Variants in EEF1AKMT1 observed in about 807,000 individuals in gnomAD.
EEF1AKMT1 encodes the protein EEF1A lysine methyltransferase 1.
Under a neutral mutation model 21.0 loss-of-function variants are expected in EEF1AKMT1, and 18 were observed. That is an observed-to-expected ratio of 0.86 (90% CI 0.59 to 1.27). EEF1AKMT1 has a LOEUF of 1.27. Ranked by LOEUF, EEF1AKMT1 falls within the 50% of genes most tolerant of loss-of-function variation. The pLI is 0.00. For missense variants in EEF1AKMT1, 246 were observed against 258.6 expected (o/e 0.95, Z 0.33); for synonymous variants, 109 against 94.8 (o/e 1.15, Z -0.87).
chr13:20,772,716 AT>A (rs1361274514), intron 1 of EEF1AKMT1, among the ~76,000 whole-genome samples: 1 of 152,178 alleles, frequency 6.6e-6, no homozygotes, highest in East Asian at 1.9e-4. Context: ...CTTCAGAAAG[AT>A]GGAACAGCAT....
intron 2 of EEF1AKMT1, among the ~76,000 whole-genome samples, chr13:20,749,860 T>C (rs1254755342): frequency 2.0e-5 from 3 of 152,184 alleles, no homozygotes; most frequent in Admixed American, 2.0e-4. Context: ...TAGGAGACCG[T>C]TTTTCTTCTG....
chr13:20,755,741 C>A (rs2058968311), intron 2 of EEF1AKMT1, among the ~76,000 whole-genome samples: 1 of 152,194 alleles, frequency 6.6e-6, no homozygotes, highest in South Asian at 2.1e-4. Context: ...ATGGCTAAAT[C>A]TTGTCTGTCA....
chr13:20,735,268 A>C (rs1206757059), intron 3 of EEF1AKMT1, among the ~76,000 whole-genome samples: 1 of 152,170 alleles, frequency 6.6e-6, no homozygotes, highest in African/African-American at 2.4e-5. Flanking sequence ...GGTTTTACTG[A>C]AAGGCCTATT....
chr13:20,749,263 A>G (rs143274156), intron 2 of EEF1AKMT1, among the ~76,000 whole-genome samples: 289 of 152,162 alleles, frequency 1.9e-3, no homozygotes, highest in African/African-American at 6.2e-3. Flanking sequence ...TGGATATCCT[A>G]TCACTTTTGT....
intron 1 of EEF1AKMT1, among the ~76,000 whole-genome samples, chr13:20,759,997 C>A (rs893218561): frequency 6.8e-6 from 1 of 146,856 alleles, no homozygotes; most frequent in Admixed American, 7.0e-5. Flanking sequence ...CCCAGCTACT[C>A]GGGAGGCTGA....
intron 2 of EEF1AKMT1, among the ~76,000 whole-genome samples, chr13:20,755,246 G>A (rs2058965736): frequency 6.6e-6 from 1 of 152,346 alleles, no homozygotes; most frequent in Non-Finnish European, 1.5e-5. Flanking sequence ...TGAGTCTGGG[G>A]GAAGTCAATG....
chr13:20,745,674 C>A (rs2058899698), intron 2 of EEF1AKMT1, among the ~76,000 whole-genome samples: 1 of 151,990 alleles, frequency 6.6e-6, no homozygotes, highest in Non-Finnish European at 1.5e-5. Context: ...GATGGTGAAA[C>A]CCCATCTCTT....
rs548601752 is a variant in EEF1AKMT1 at position 20,738,973 on chromosome 13, C to G, written c.145-1168G>C. On this transcript the variant is annotated intron_variant, in intron 2 of 4. Coordinates refer to ENST00000382758, the MANE Select transcript of EEF1AKMT1 (RefSeq NM_001318939.2). ...CTTCAAGAATGAAGCTGTGGACCCT[C>G]ACGATGAGTGTGACAGTTCTTAAAG... is the stretch of plus-strand genomic sequence containing the variant. 2.0e-4 allele frequency among the ~76,000 whole-genome samples: 31 copies of G among 152,320 alleles called. No individual in the cohort carries two copies. In the South Asian group the frequency reaches 6.2e-3, roughly 31 times the overall value.
chr13:20,747,426 T>G (rs1692691029), intron 2 of EEF1AKMT1: 1 of 214,360 alleles, frequency 4.7e-6, no homozygotes, highest in South Asian at 8.6e-5. Context: ...TGTTTTCACA[T>G]AAACGTACCA....
intron 2 of EEF1AKMT1, chr13:20,757,234 C>T: frequency 5.0e-6 from 2 of 403,110 alleles, no homozygotes; most frequent in Non-Finnish European, 8.8e-6. Context: ...ACCAACCAGC[C>T]TGATAGTCAG....
chr13:20,738,386 G>C (rs185655308), intron 2 of EEF1AKMT1, among the ~76,000 whole-genome samples: 1 of 152,170 alleles, frequency 6.6e-6, no homozygotes, highest in Non-Finnish European at 1.5e-5. Flanking sequence ...AATTTCTAGT[G>C]ATCTTTATCT....
chr13:20,738,734 G>A (rs956012509), intron 2 of EEF1AKMT1, among the ~76,000 whole-genome samples: 1 of 152,218 alleles, frequency 6.6e-6, no homozygotes, highest in African/African-American at 2.4e-5. Context: ...GACACCAAAG[G>A]CCACATACTG....
In EEF1AKMT1 at chr13:20,763,281, C is replaced by G. The variant is rs148551332; in HGVS notation, c.-19-5664G>C. Among the ~76,000 whole-genome samples, 450 of 152,134 alleles carry G rather than the reference C, an allele frequency of 3.0e-3. 1 individual carries two copies. Among genetic ancestry groups the G allele is most frequent in the African/African-American group, 0.01 (435 of 41,506 alleles). ...ATGTGCTATGGATTCAATTGACACA[C>G]CACCCCCCTCCCACCCTGCACCCCA... On this transcript the variant is annotated intron_variant, in intron 1 of 4. Transcript: ENST00000382758.
chr13:20,757,472 T>G lies in EEF1AKMT1; in HGVS notation c.127A>C (p.Ile43Leu). 2 of 1,614,188 alleles carry G rather than the reference T, an allele frequency of 1.2e-6. No individual in the cohort carries two copies. The highest frequency in any genetic ancestry group is 1.7e-6 in the Non-Finnish European group (2 of 1,180,028). The change falls in exon 2 of 5, where the codon ATA becomes CTA. Residue 43 changes from isoleucine to leucine, a missense_variant. Transcript: ENST00000382758. ...TTACTTACCCAATTCTCTTCTATTA[T>G]TCCAATGTTATATTTATCATCCTCG... ...PGEDDKYNIGIIEENWQLSQF... is the reference protein window; with the variant it reads ...PGEDDKYNIGLIEENWQLSQF...
intron 2 of EEF1AKMT1, among the ~76,000 whole-genome samples, chr13:20,750,482 T>G (rs756969092): frequency 2.0e-5 from 3 of 152,214 alleles, no homozygotes; most frequent in Non-Finnish European, 4.4e-5. Context: ...CTTAACATAA[T>G]GACCTCCCGT....
At position 20,731,713 on chromosome 13, in the gene EEF1AKMT1, G is replaced by A. The variant is rs375810722; in HGVS notation, c.508+128C>T. ...CTAGTTTACAGATAAGGAATCCAGG[G>A]CACAAAGAGTTAAATAACTTGTTCA... On this transcript the variant is annotated intron_variant, in intron 4 of 4. Transcript: ENST00000382758. 94 of 935,076 alleles carry A rather than the reference G, an allele frequency of 1.0e-4. 1 individual carries two copies. In the East Asian group the frequency reaches 2.3e-3, roughly 23 times the overall value. 57.9% of individuals were successfully genotyped at this position (935,076 alleles called of 1,614,324 possible).
intron 4 of EEF1AKMT1, among the ~76,000 whole-genome samples, chr13:20,731,284 A>C (rs2818986): frequency 0.37 from 56,334 of 152,116 alleles, 12,509 homozygotes; most frequent in Non-Finnish European, 0.5. Flanking sequence ...GATTTACTCT[A>C]TTGAATTTTA....
chr13:20,762,922 C>A (rs966926936), intron 1 of EEF1AKMT1, among the ~76,000 whole-genome samples: 2 of 152,116 alleles, frequency 1.3e-5, no homozygotes, highest in African/African-American at 4.8e-5. Flanking sequence ...TCAACTTATA[C>A]GATCATGTGA....
intron 1 of EEF1AKMT1, among the ~76,000 whole-genome samples, chr13:20,761,588 T>C (rs531748721): frequency 1.3e-5 from 2 of 152,296 alleles, no homozygotes; most frequent in East Asian, 3.9e-4. Flanking sequence ...GAGTATGATG[T>C]TGGATTTTAT....
Sources: gnomAD v4.1 joint callset for allele counts (sites outside exome capture counted in the v4.1 genomes callset) on GRCh38, gnomAD v4.1.1 for gene constraint, MANE v1.5 for transcripts, NCBI Gene and HGNC (gene_info 2026-07-23, HGNC 2026-07-21) for gene names.